Variants in TLL1 observed in about 807,000 individuals in gnomAD.
The protein encoded by TLL1 is tolloid-like protein 1.
Under a neutral mutation model 128.2 loss-of-function variants are expected in TLL1, and 49 were observed. The ratio of observed to expected loss-of-function variants is 0.38; its 90% CI spans 0.30 to 0.48. The LOEUF (loss-of-function observed/expected upper bound fraction) is 0.48, where lower values mean the gene tolerates loss of function less well. TLL1 is among the 20% of genes least tolerant of loss of function. The pLI, the probability that TLL1 is intolerant of heterozygous loss-of-function variation, is 0.96. For missense variants in TLL1, 1,123 were observed against 1,242.0 expected, an observed-to-expected ratio of 0.90 and a Z score of 1.44; for synonymous variants, 454 against 418.8, an observed-to-expected ratio of 1.08 and a Z score of -1.03.
At chr4:166,074,493 T>C (rs193179593) in intron 16 of TLL1, among the ~76,000 whole-genome samples, 5 of 152,126 alleles carry the variant, frequency 3.3e-5, no homozygotes, top group African/African-American at 1.2e-4. Flanking sequence ...ATGCTATTTC[T>C]TGCCGCTATT....
intron 1 of TLL1, among the ~76,000 whole-genome samples, chr4:165,958,783 G>A (rs1367728716): frequency 1.3e-4 from 19 of 148,786 alleles, no homozygotes; most frequent in African/African-American, 4.8e-4. Flanking sequence ...CGAAGTCCTT[G>A]CCCATGCCTA....
intron 1 of TLL1, among the ~76,000 whole-genome samples, chr4:165,874,736 A>T (rs1730647981): frequency 6.6e-6 from 1 of 152,264 alleles, no homozygotes; most frequent in African/African-American, 2.4e-5. Flanking sequence ...CTTCCAGCTA[A>T]CACCCCAGGG....
intron 12 of TLL1, among the ~76,000 whole-genome samples, chr4:166,044,669 A>G (rs1480627170): frequency 6.6e-6 from 1 of 152,164 alleles, no homozygotes; most frequent in Non-Finnish European, 1.5e-5. Context: ...ATACTGTTCA[A>G]ATAGACCGGT....
chr4:166,100,413 T>G (rs1454926081), intron 20 of TLL1, among the ~76,000 whole-genome samples: 1 of 152,070 alleles, frequency 6.6e-6, no homozygotes, highest in Non-Finnish European at 1.5e-5. Flanking sequence ...CTTTACTGAT[T>G]TGTAAATCAA....
chr4:166,025,507 G>C, intron 9 of TLL1, 76 bp downstream of exon 9: 1 of 1,202,520 alleles, frequency 8.3e-7, no homozygotes, highest in Admixed American at 1.8e-5. Context: ...ATATAAATTT[G>C]CTTTATCCTT....
intron 16 of TLL1, 133 bp from the exon 17 acceptor site, chr4:166,074,740 GTTTGT>G: frequency 2.9e-6 from 3 of 1,032,874 alleles, no homozygotes; most frequent in Non-Finnish European, 4.4e-6. Context: ...ATACATTTTT[GTTTGT>G]TTTATGTTGG....
chr4:166,058,213 C>G (rs746359843), intron 14 of TLL1, among the ~76,000 whole-genome samples: 31 of 152,124 alleles, frequency 2.0e-4, no homozygotes, highest in Non-Finnish European at 4.4e-4. Context: ...ATTTCTGTCT[C>G]TATCTAGATC....
intron 7 of TLL1, among the ~76,000 whole-genome samples, chr4:166,011,313 A>T (rs1411248909): frequency 2.0e-5 from 3 of 151,310 alleles, no homozygotes; most frequent in Non-Finnish European, 4.4e-5. Context: ...CTCTTCTTTA[A>T]TTTCTTTCAG....
rs190591312 is a variant in TLL1 at position 165,978,211 on chromosome 4, T to C, written c.170-11170T>C. On this transcript the variant is annotated intron_variant, in intron 1 of 20. Transcript: ENST00000061240. ...TTTCCAAAAAGCTCTGATTTTTTTA[T>C]TGGGGAGTTTTTTGGGTGCCAGTGG... Among the ~76,000 whole-genome samples the C allele has an allele frequency of 7.7e-4, 117 of 152,256 alleles. 1 individual carries two copies. The highest frequency in any genetic ancestry group is 3.4e-3 in the Middle Eastern group (1 of 294).
intron 1 of TLL1, among the ~76,000 whole-genome samples, chr4:165,963,645 T>C (rs1735228241): frequency 6.6e-6 from 1 of 152,058 alleles, no homozygotes; most frequent in African/African-American, 2.4e-5. Flanking sequence ...TACACAGAAT[T>C]TTTGGAAGAC....
chr4:166,018,242 T>A (rs1466049178), intron 8 of TLL1, among the ~76,000 whole-genome samples: 1 of 152,120 alleles, frequency 6.6e-6, no homozygotes, highest in Non-Finnish European at 1.5e-5. Context: ...TGGCTAACCA[T>A]GTGCAGAAGA....
At chr4:166,089,767 A>AT (rs1741679311) in intron 18 of TLL1, among the ~76,000 whole-genome samples, 3 of 152,248 alleles carry the variant, frequency 2.0e-5, no homozygotes, top group Admixed American at 6.5e-5. Flanking sequence ...TATTGGTTAT[A>AT]ATTTTTTTTA....
At chr4:165,944,363 A>G (rs1329855645) in intron 1 of TLL1, among the ~76,000 whole-genome samples, 2 of 152,150 alleles carry the variant, frequency 1.3e-5, no homozygotes, top group Non-Finnish European at 1.5e-5. Flanking sequence ...GGTTAAGGGT[A>G]TATTCCTTCA....
At chr4:165,893,583 A>T (rs530394523) in intron 1 of TLL1, among the ~76,000 whole-genome samples, 1 of 152,144 alleles carries the variant, frequency 6.6e-6, no homozygotes, top group Non-Finnish European at 1.5e-5. Context: ...AGAATATCCA[A>T]CCCAAAGATT....
intron 5 of TLL1, among the ~76,000 whole-genome samples, chr4:166,003,089 C>T (rs1369742572): frequency 6.6e-6 from 1 of 152,142 alleles, no homozygotes; most frequent in Admixed American, 6.6e-5. Flanking sequence ...ATATAAGTGT[C>T]ATCACCATGA....
At chr4:165,923,421 CTTTTTTTTTTTTT>C (rs758162016) in intron 1 of TLL1, among the ~76,000 whole-genome samples, 2 of 70,832 alleles carry the variant, frequency 2.8e-5, no homozygotes, top group East Asian at 8.1e-4. Flanking sequence ...ATAGGTATAC[CTTTTTTTTTTTTT>C]TTTTTTTTTT....
intron 1 of TLL1, among the ~76,000 whole-genome samples, chr4:165,874,619 C>T (rs1263301493): frequency 1.3e-5 from 2 of 152,214 alleles, no homozygotes; most frequent in Non-Finnish European, 2.9e-5. Context: ...TTGTGACAAT[C>T]TCGGAAGAAC....
chr4:166,103,150 A>G lies in TLL1; in HGVS notation c.*2274A>G, dbSNP rs1379031256. The G allele has an allele frequency of 1.3e-5, 2 of 151,888 alleles. No homozygotes were observed. The highest frequency in any genetic ancestry group is 2.9e-5 in the Non-Finnish European group (2 of 67,878). 9.4% of individuals were successfully genotyped at this position (151,888 alleles called of 1,614,324 possible). On this transcript the variant is annotated 3_prime_UTR_variant, in exon 21 of 21. Transcript: ENST00000061240. ...TAGATGTTGAAACCCAGTTTATCTT[A>G]TACAAATGAGCCTCTGCTTGTTCTA... is the stretch of plus-strand genomic sequence containing the variant.
intron 1 of TLL1, among the ~76,000 whole-genome samples, chr4:165,944,179 A>T (rs7686316): frequency 0.15 from 22,541 of 152,136 alleles, 4,624 homozygotes; most frequent in African/African-American, 0.47. Context: ...TCAAATTTTG[A>T]CATTCTATTG....
Sources: gnomAD v4.1 joint callset for allele counts (sites outside exome capture counted in the v4.1 genomes callset) on GRCh38, gnomAD v4.1.1 for gene constraint, MANE v1.5 for transcripts, NCBI Gene and HGNC (gene_info 2026-07-23, HGNC 2026-07-21) for gene names.